TMEM221: variants seen among roughly 807,000 people sequenced by gnomAD.
The protein encoded by TMEM221 is Putative transmembrane protein ENSP00000342162.
A neutral mutation model predicts 10.2 loss-of-function variants in TMEM221; 11 were observed. The observed-to-expected ratio is 1.08, with a 90% confidence interval of 0.68 to 1.79. TMEM221 has a LOEUF of 1.79. Ranked by LOEUF, TMEM221 falls within the 40% of genes most tolerant of loss-of-function variation. TMEM221 has a pLI of 0.00. For missense variants in TMEM221, 382 were observed against 417.7 expected, an observed-to-expected ratio of 0.91 and a Z score of 0.75; for synonymous variants, 172 against 199.8, an observed-to-expected ratio of 0.86 and a Z score of 1.18.
At position 17,436,530 on chromosome 19, in the gene TMEM221, C is replaced by T. The variant is rs1187473584; in HGVS notation, c.804G>A (p.Gly268=). The T allele has an allele frequency of 3.3e-6, 5 of 1,535,880 alleles. No individual in the cohort carries two copies. The African/African-American group carries it at 6.8e-5, about 21-fold the overall frequency. The change falls in exon 3 of 3, where the codon GGG becomes GGA. Residue 268 remains glycine (G), a synonymous_variant. Transcript: ENST00000341130. ...TLSAGLGHWD[G]VTHEMRRMLG... ...GCATTCGACGCATCTCGTGCGTAAC[C>T]CCGTCCCAGTGCCCCAGGCCAGCCG...
At chr19:17,438,595 C>CTTTT (rs567618962) in intron 2 of TMEM221, among the ~76,000 whole-genome samples, 3 of 127,820 alleles carry the variant, frequency 2.3e-5, no homozygotes, top group Non-Finnish European at 3.4e-5. Context: ...CCTGCTCTAT[C>CTTTT]TTTTTTTTTT....
intron 1 of TMEM221, among the ~76,000 whole-genome samples, chr19:17,446,465 A>G (rs911381354): frequency 6.6e-6 from 1 of 152,096 alleles, no homozygotes; most frequent in Admixed American, 6.6e-5. Context: ...ATTGAGGAGG[A>G]AGTGGAGGCT....
rs1257890503 is a variant in TMEM221, at chr19:17,445,212, G to A, written c.393C>T (p.Ser131=). ...VALGLFCCGI[S]VYLAALSIYA... is the part of the protein sequence containing the mutation. ...TCCAGCACACACCTGCTAAATAGAC[G>A]GAGATCCCACAGCAGAAAAGGCCAA... Residue 131 remains serine (S), a synonymous_variant, in exon 2 of 3, where the codon TCC becomes TCT. Transcript: ENST00000341130. 10 of 1,535,656 alleles carry A rather than the reference G, an allele frequency of 6.5e-6. No homozygotes were observed. The highest frequency in any genetic ancestry group is 1.7e-4 in the Middle Eastern group (1 of 6,010).
Position 17,443,677 on chromosome 19 carries a change from G to GA in TMEM221, c.406+1521dup, listed in dbSNP as rs1207975749. Among the ~76,000 whole-genome samples, 238 of 149,596 alleles carry GA rather than the reference G, an allele frequency of 1.6e-3. 2 individuals carry two copies. Among genetic ancestry groups the GA allele is most frequent in the East Asian group, 5.8e-4 (3 of 5,148 alleles). On this transcript the variant is annotated intron_variant, in intron 2 of 2. Transcript: ENST00000341130. ...TTTCTATTTTCTGTGGTGGGACTAT[G>GA]AAAAAAAAACAGTAATAGCAAATCC...
chr19:17,448,545 G>T lies in TMEM221; in HGVS notation c.-83C>A, dbSNP rs1281434698. ...CAGGGGAGTTGGGGGGAATCCGAGG[G>T]TCCTCAGGGGGTCCCCGAGGGGGCG... On this transcript the variant is annotated 5_prime_UTR_variant, in exon 1 of 3. Coordinates refer to ENST00000341130, the MANE Select transcript of TMEM221 (RefSeq NM_001190844.2). The surrounding 1 kb of genome is among the most constrained non-coding windows in gnomAD (Gnocchi z 4.7). 27 of 1,134,680 alleles carry T rather than the reference G, an allele frequency of 2.4e-5. No homozygotes were observed. The highest frequency in any genetic ancestry group is 2.8e-5 in the Non-Finnish European group (24 of 867,992). The allele number at this position is 1,134,680 out of a possible 1,614,324, so 70.3% of individuals were successfully genotyped here. A position where few individuals can be genotyped will look rare whatever the true frequency, so the allele number is the denominator to read the frequency against.
At position 17,445,165 on chromosome 19, in the gene TMEM221, G is replaced by C. The variant is rs1238360685; in HGVS notation, c.406+34C>G. ...CATTGCTGCTCTCTACCCAGCCCAG[G>C]GTCCCATGCCCCACGTTCTATTCCA... On this transcript the variant is annotated intron_variant, in intron 2 of 2. Transcript: ENST00000341130. 6.6e-6 allele frequency: 10 copies of C among 1,518,122 alleles called. No individual in the cohort carries two copies. In the East Asian group the frequency reaches 2.4e-4, roughly 37 times the overall value. The allele number at this position is 1,518,122 out of a possible 1,614,324, so 94.0% of individuals were successfully genotyped here.
intron 2 of TMEM221, among the ~76,000 whole-genome samples, chr19:17,438,039 C>A (rs2074916766): frequency 2.0e-5 from 3 of 151,404 alleles, no homozygotes; most frequent in Admixed American, 1.3e-4. Context: ...CCCACCTCAG[C>A]CTCCTGAGTA....
Position 17,436,535 on chromosome 19 carries a change from C to A in TMEM221, c.799G>T (p.Asp267Tyr). The change falls in exon 3 of 3, where the codon GAC (aspartate) becomes TAC (tyrosine). Residue 267 changes from aspartate to tyrosine, a missense_variant. Asp to Tyr is a radical substitution (Grantham distance 160, BLOSUM62 -3). Transcript: ENST00000341130. ...RTLSAGLGHWDGVTHEMRRML... is the reference protein window; with the variant it reads ...RTLSAGLGHWYGVTHEMRRML... ...CGACGCATCTCGTGCGTAACCCCGT[C>A]CCAGTGCCCCAGGCCAGCCGACAGT... 1.3e-6 allele frequency: 2 copies of A among 1,536,030 alleles called. No homozygotes were observed. Among genetic ancestry groups the A allele is most frequent in the Non-Finnish European group, 1.7e-6 (2 of 1,146,850 alleles).
Position 17,435,537 on chromosome 19 carries a change from T to G in TMEM221, c.*921A>C, listed in dbSNP as rs1486481344. 2 of 152,212 alleles carry G rather than the reference T, an allele frequency of 1.3e-5. No homozygotes were observed. The highest frequency in any genetic ancestry group is 2.9e-5 in the Non-Finnish European group (2 of 68,054). The allele number at this position is 152,212 out of a possible 1,614,324, so 9.4% of individuals were successfully genotyped here. ...TGAATATCAGAGTTTACTTGTGGGT[T>G]GTGCAAGACAGGAGACCTTTGGAGA... On this transcript the variant is annotated 3_prime_UTR_variant, in exon 3 of 3. Coordinates refer to ENST00000341130, the MANE Select transcript of TMEM221 (RefSeq NM_001190844.2).
intron 2 of TMEM221, among the ~76,000 whole-genome samples, chr19:17,443,092 T>C (rs1357713696): frequency 2.0e-5 from 3 of 151,534 alleles, no homozygotes; most frequent in Non-Finnish European, 4.4e-5. Context: ...CCATCCTGGC[T>C]AACACGGTGA....
intron 2 of TMEM221, among the ~76,000 whole-genome samples, chr19:17,442,974 GAGGGCCTGGCGTGGTGGCTC>G (rs1209935525): frequency 2.3e-4 from 35 of 152,054 alleles, no homozygotes; most frequent in South Asian, 2.1e-4. Flanking sequence ...AAAATATTTT[GAGGGCCTGGCGTGGTGGCTC>G]AGGGCCGGGC....
Position 17,435,546 on chromosome 19 carries a change from C to T in TMEM221, c.*912G>A, listed in dbSNP as rs1366161905. On this transcript the variant is annotated 3_prime_UTR_variant, in exon 3 of 3. Coordinates refer to ENST00000341130, the MANE Select transcript of TMEM221 (RefSeq NM_001190844.2). ...GAGTTTACTTGTGGGTTGTGCAAGA[C>T]AGGAGACCTTTGGAGACCCCTCTGT... is the stretch of plus-strand genomic sequence containing the variant. The T allele has an allele frequency of 6.6e-6, 1 of 152,234 alleles. No individual in the cohort carries two copies. Among genetic ancestry groups the T allele is most frequent in the South Asian group, 2.1e-4 (1 of 4,832 alleles). 9.4% of individuals were successfully genotyped at this position (152,234 alleles called of 1,614,324 possible). A position where few individuals can be genotyped will look rare whatever the true frequency, so the allele number is the denominator to read the frequency against.
intron 1 of TMEM221, among the ~76,000 whole-genome samples, chr19:17,446,394 G>A (rs2074953408): frequency 6.6e-6 from 1 of 152,186 alleles, no homozygotes; most frequent in South Asian, 2.1e-4. Flanking sequence ...GAGAGATGAG[G>A]AAACTGAGTT....
In TMEM221 at chr19:17,447,179, G is replaced by A. The variant is rs548925534; in HGVS notation, c.320+964C>T. 5.3e-5 allele frequency among the ~76,000 whole-genome samples: 8 copies of A among 150,250 alleles called. No individual in the cohort carries two copies. The South Asian group carries it at 1.5e-3, about 28-fold the overall frequency. On this transcript the variant is annotated intron_variant, in intron 1 of 2. Coordinates refer to ENST00000341130, the MANE Select transcript of TMEM221 (RefSeq NM_001190844.2). The stretch of plus-strand genomic sequence containing the variant: ...GGAGGCTGCAGTGAACCGAGATAGC[G>A]CCACTGCACTCCAGCCTGGGTGACA...
chr19:17,448,353 C>A lies in TMEM221; in HGVS notation c.110G>T (p.Gly37Val). Residue 37 changes from glycine to valine, a missense_variant, in exon 1 of 3, where the codon GGC (glycine) becomes GTC (valine). Physicochemically the swap from Gly to Val is moderately radical, Grantham distance 109. Transcript: ENST00000341130. This position sits in a 1 kb window ranked among gnomAD's most constrained non-coding sequence, Gnocchi z 4.7. ...GAQLLFQLQAGRAELRGLRAE... is the reference protein window; with the variant it reads ...GAQLLFQLQAVRAELRGLRAE... Reference sequence around the variant, plus strand: ...GCGCAGCCCCCGCAGCTCGGCGCGGCCCGCCTGCAGCTGAAACAGCAGCTG... The same window carrying A: ...GCGCAGCCCCCGCAGCTCGGCGCGGACCGCCTGCAGCTGAAACAGCAGCTG... 5 of 1,363,138 alleles carry A rather than the reference C, an allele frequency of 3.7e-6. No individual in the cohort carries two copies. The highest frequency in any genetic ancestry group is 4.7e-6 in the Non-Finnish European group (5 of 1,059,370). The allele number at this position is 1,363,138 out of a possible 1,614,324, so 84.4% of individuals were successfully genotyped here.
At chr19:17,437,871 T>C (rs2074915720) in intron 2 of TMEM221, among the ~76,000 whole-genome samples, 1 of 150,542 alleles carries the variant, frequency 6.6e-6, no homozygotes, top group African/African-American at 2.4e-5. Flanking sequence ...GTGTGGGTCT[T>C]CTCCTTCTTC....
In TMEM221 at chr19:17,448,223, C is replaced by T; in HGVS notation, c.240G>A (p.Val80=). The T allele has an allele frequency of 7.3e-7, 1 of 1,375,006 alleles. No homozygotes were observed. Among genetic ancestry groups the T allele is most frequent in the Non-Finnish European group, 9.4e-7 (1 of 1,064,474 alleles). The allele number at this position is 1,375,006 out of a possible 1,614,324, so 85.2% of individuals were successfully genotyped here. ...CGAGCAGCAAGCAGGTGAACCCCAG[C>T]ACGAGCACCAGCGCGGCCAGCGCGG... ...LAAALAALVL[V]LGFTCLLLAA... Residue 80 remains valine, a synonymous_variant, in exon 1 of 3, where the codon GTG becomes GTA. Coordinates refer to ENST00000341130, the MANE Select transcript of TMEM221 (RefSeq NM_001190844.2). The surrounding 1 kb of genome is among the most constrained non-coding windows in gnomAD (Gnocchi z 4.7).
Position 17,436,822 on chromosome 19 carries a change from G to C in TMEM221, c.512C>G (p.Thr171Ser). Residue 171 changes from threonine (T) to serine (S), a missense_variant, in exon 3 of 3, where the codon ACT becomes AGT. By Grantham distance (58) the Thr-to-Ser change is moderately conservative. Coordinates refer to ENST00000341130, the MANE Select transcript of TMEM221 (RefSeq NM_001190844.2). ...GGCAGCCCGGGCAGCCCGGAGGAGAGTGTGGGTCAGCACAGCCACCAGAAC... is the reference window on the plus strand; with the variant it reads ...GGCAGCCCGGGCAGCCCGGAGGAGACTGTGGGTCAGCACAGCCACCAGAAC... ...TLVLVAVLTH[T>S]LLRAARAARR... 2 of 1,497,952 alleles carry C rather than the reference G, an allele frequency of 1.3e-6. No homozygotes were observed. Among genetic ancestry groups the C allele is most frequent in the Non-Finnish European group, 1.8e-6 (2 of 1,124,918 alleles). The allele number at this position is 1,497,952 out of a possible 1,614,324, so 92.8% of individuals were successfully genotyped here.
At chr19:17,441,985 A>G (rs1031684798) in intron 2 of TMEM221, among the ~76,000 whole-genome samples, 9 of 152,144 alleles carry the variant, frequency 5.9e-5, no homozygotes, top group Admixed American at 4.6e-4. Flanking sequence ...TGGGAGGTGA[A>G]TGAATTCTCA....
Sources: allele counts gnomAD v4.1 joint callset (sites outside exome capture counted in the v4.1 genomes callset), GRCh38; gene constraint gnomAD v4.1.1; non-coding constraint Gnocchi (gnomAD v3.1); transcripts MANE v1.5; gene names NCBI Gene and HGNC (gene_info 2026-07-23, HGNC 2026-07-21).